CLEC9A: variants seen among roughly 807,000 people sequenced by gnomAD.
CLEC9A encodes the protein C-type lectin domain containing 9A, also known as C-type lectin domain family 9 member A.
A neutral mutation model predicts 30.0 loss-of-function variants in CLEC9A; 24 were observed. The observed-to-expected ratio is 0.80, with a 90% CI of 0.58 to 1.13. The LOEUF (loss-of-function observed/expected upper bound fraction) is 1.13, where lower values mean the gene tolerates loss of function less well. Among genes scored for constraint, CLEC9A ranks in the 50% most tolerant of loss-of-function variants. CLEC9A has a pLI of 0.00. For missense variants in CLEC9A, 251 were observed against 280.9 expected, an observed-to-expected ratio of 0.89 and a Z score of 0.76; for synonymous variants, 111 against 96.8, an observed-to-expected ratio of 1.15 and a Z score of -0.86.
intron 1 of CLEC9A, among the ~76,000 whole-genome samples, chr12:10,033,313 G>A (rs1865716258): frequency 6.6e-6 from 1 of 151,762 alleles, no homozygotes; most frequent in Non-Finnish European, 1.5e-5. Context: ...GAACTAAATT[G>A]GATAGTACCC....
chr12:10,051,124 G>C (rs576244232), intron 2 of CLEC9A, among the ~76,000 whole-genome samples: 7 of 151,330 alleles, frequency 4.6e-5, no homozygotes, highest in Non-Finnish European at 7.4e-5. Context: ...AGAATTGCTC[G>C]AACCCAGGAG....
chr12:10,032,239 C>T (rs769897350), intron 1 of CLEC9A, among the ~76,000 whole-genome samples: 1 of 152,142 alleles, frequency 6.6e-6, no homozygotes, highest in Non-Finnish European at 1.5e-5. Context: ...AATCTAGCAA[C>T]CATAGACGCA....
intron 5 of CLEC9A, 177 bp from the exon 6 acceptor site, chr12:10,060,950 C>A: frequency 1.5e-6 from 1 of 645,898 alleles, no homozygotes. Context: ...CATTTTGTTC[C>A]ACGTCTTTTG....
chr12:10,050,779 C>T (rs1008458329), intron 2 of CLEC9A, among the ~76,000 whole-genome samples: 8 of 152,180 alleles, frequency 5.3e-5, no homozygotes, highest in Non-Finnish European at 1.0e-4. Context: ...TCTCAATGTA[C>T]ATTTGGTATG....
chr12:10,038,136 T>C (rs867073593), intron 1 of CLEC9A, among the ~76,000 whole-genome samples: 4 of 152,234 alleles, frequency 2.6e-5, no homozygotes, highest in Admixed American at 6.5e-5. Context: ...AAAATGGGTT[T>C]GGGATTTTAA....
At chr12:10,054,419 G>C in intron 5 of CLEC9A, 68 bp downstream of exon 5, 1 of 1,025,294 alleles carries the variant, frequency 9.8e-7, no homozygotes, top group Non-Finnish European at 1.4e-6. Flanking sequence ...TTTATAAATG[G>C]ATGGAAAATC....
chr12:10,044,789 A>G lies in CLEC9A; in HGVS notation c.-163+3169A>G, dbSNP rs555702016. ...CTTCTTACTGGCATCACCCCACTGA[A>G]ATGGAAGTTCCCCAACAGGAAAGCC... On this transcript the variant is annotated intron_variant, in intron 2 of 8. Transcript: ENST00000355819. 2.3e-4 allele frequency among the ~76,000 whole-genome samples: 35 copies of G among 152,294 alleles called. 1 individual carries two copies. The South Asian group carries it at 7.1e-3, about 31-fold the overall frequency.
chr12:10,062,346 A>G (rs747038945), intron 6 of CLEC9A, among the ~76,000 whole-genome samples: 13 of 152,252 alleles, frequency 8.5e-5, no homozygotes, highest in Non-Finnish European at 1.6e-4. Flanking sequence ...AACCTGTGCC[A>G]GAAACACTTG....
chr12:10,049,170 C>T (rs1161408599), intron 2 of CLEC9A, among the ~76,000 whole-genome samples: 1 of 151,496 alleles, frequency 6.6e-6, no homozygotes, highest in African/African-American at 2.4e-5. Flanking sequence ...TTTTTCTGAG[C>T]AGTAGTTCTC....
chr12:10,040,142 C>A (rs1865779657), intron 1 of CLEC9A, among the ~76,000 whole-genome samples: 1 of 152,180 alleles, frequency 6.6e-6, no homozygotes, highest in East Asian at 1.9e-4. Flanking sequence ...GTACTTTAAC[C>A]ATAACAAGAA....
chr12:10,064,972 CG>C lies in CLEC9A; in HGVS notation c.593+121del, dbSNP rs1465504334. On this transcript the variant is annotated intron_variant, in intron 8 of 8. Transcript: ENST00000355819. ...ACAAGCAGCATGATAATGTTACAGGCGGCTAATTGGGATTAAAGCTAACAAA... is the reference window on the plus strand; with the variant it reads ...ACAAGCAGCATGATAATGTTACAGGCGCTAATTGGGATTAAAGCTAACAAA... 3.3e-6 allele frequency: 4 copies of C among 1,221,524 alleles called. No individual in the cohort carries two copies. In the African/African-American group the frequency reaches 6.3e-5, roughly 19 times the overall value. 75.7% of individuals were successfully genotyped at this position (1,221,524 alleles called of 1,614,324 possible).
At chr12:10,039,711 C>A (rs1353651674) in intron 1 of CLEC9A, among the ~76,000 whole-genome samples, 1 of 152,202 alleles carries the variant, frequency 6.6e-6, no homozygotes, top group African/African-American at 2.4e-5. Context: ...GTCTGCGTAG[C>A]TGTTGCTTGT....
chr12:10,056,516 CT>C (rs1310201063), intron 5 of CLEC9A, among the ~76,000 whole-genome samples: 4 of 152,048 alleles, frequency 2.6e-5, no homozygotes, highest in Non-Finnish European at 4.4e-5. Context: ...CATGTACCCC[CT>C]GAATCTAAAT....
In CLEC9A at chr12:10,061,007, A is replaced by T. The variant is rs1865991660; in HGVS notation, c.173-120A>T. ...TGTAAATTTTAAGCAAAAACCTAAAATAATACAAATTCAAGTCTCAAAAAT... is the reference window on the plus strand; with the variant it reads ...TGTAAATTTTAAGCAAAAACCTAAATTAATACAAATTCAAGTCTCAAAAAT... On this transcript the variant is annotated intron_variant, in intron 5 of 8. Coordinates refer to ENST00000355819, the MANE Select transcript of CLEC9A (RefSeq NM_207345.4). The T allele has an allele frequency of 2.4e-6, 3 of 1,234,150 alleles. No individual in the cohort carries two copies. In the South Asian group the frequency reaches 4.7e-5, roughly 19 times the overall value. The allele number at this position is 1,234,150 out of a possible 1,614,324, so 76.4% of individuals were successfully genotyped here.
chr12:10,064,056 G>A (rs537264150), intron 7 of CLEC9A, among the ~76,000 whole-genome samples: 1 of 152,148 alleles, frequency 6.6e-6, no homozygotes, highest in Admixed American at 6.6e-5. Context: ...ATAAGATGTT[G>A]CCTTGAATTC....
chr12:10,043,441 A>C (rs573323161), intron 2 of CLEC9A: 1 of 154,802 alleles, frequency 6.5e-6, no homozygotes, highest in South Asian at 1.9e-4. Context: ...TATGGGTTAT[A>C]TAATCAGCAG....
intron 5 of CLEC9A, among the ~76,000 whole-genome samples, chr12:10,054,870 G>C (rs1865926095): frequency 6.6e-6 from 1 of 152,116 alleles, no homozygotes; most frequent in Admixed American, 6.5e-5. Context: ...AATAATTACA[G>C]AGCTTCAGAT....
rs372774784 is a variant in CLEC9A, at chr12:10,044,497, T to A, written c.-163+2877T>A. On this transcript the variant is annotated intron_variant, in intron 2 of 8. Coordinates refer to ENST00000355819, the MANE Select transcript of CLEC9A (RefSeq NM_207345.4). ...GCAGACAAATTAGTGGGGTTTTTTTTATTCTTCCAACAAATCAAACTCGTT... is the reference window on the plus strand; with the variant it reads ...GCAGACAAATTAGTGGGGTTTTTTTAATTCTTCCAACAAATCAAACTCGTT... Among the ~76,000 whole-genome samples, 11 of 152,322 alleles carry A rather than the reference T, an allele frequency of 7.2e-5. No individual in the cohort carries two copies. The South Asian group carries it at 1.2e-3, about 17-fold the overall frequency.
chr12:10,048,015 T>C (rs1865861102), intron 2 of CLEC9A, among the ~76,000 whole-genome samples: 1 of 151,332 alleles, frequency 6.6e-6, no homozygotes, highest in East Asian at 1.9e-4. Flanking sequence ...GGGTGGATCA[T>C]GAGGTCAGGA....
Sources: gnomAD v4.1 joint callset for allele counts (sites outside exome capture counted in the v4.1 genomes callset) on GRCh38, gnomAD v4.1.1 for gene constraint, MANE v1.5 for transcripts, NCBI Gene and HGNC (gene_info 2026-07-23, HGNC 2026-07-21) for gene names.